RASGRP1: variants seen among roughly 807,000 people sequenced by gnomAD.
RASGRP1 encodes the protein RAS guanyl releasing protein 1.
RASGRP1 carries 37 observed loss-of-function variants against 95.1 expected under a neutral mutation model. The observed-to-expected ratio is 0.39, with a 90% CI of 0.30 to 0.51. The LOEUF is 0.51. Among genes scored for constraint, RASGRP1 ranks in the 20% least tolerant of loss-of-function variants. RASGRP1 has a pLI of 0.80. For synonymous variants in RASGRP1, 325 were observed against 353.4 expected (o/e 0.92, Z 0.90); for missense variants, 711 against 965.4 (o/e 0.74, Z 3.49).
chr15:38,561,779 A>G (rs1013436612), intron 1 of RASGRP1, among the ~76,000 whole-genome samples: 4 of 152,176 alleles, frequency 2.6e-5, no homozygotes, highest in Non-Finnish European at 5.9e-5. Context: ...AACCCTAGGC[A>G]GTAATTCCTG....
intron 15 of RASGRP1, among the ~76,000 whole-genome samples, chr15:38,496,421 C>T (rs2141080195): frequency 6.6e-6 from 1 of 152,236 alleles, no homozygotes; most frequent in East Asian, 1.9e-4. Context: ...TAACAACTGC[C>T]CCTTCAGGGA....
chr15:38,562,068 T>C (rs1317231171), intron 1 of RASGRP1, among the ~76,000 whole-genome samples: 3 of 152,182 alleles, frequency 2.0e-5, no homozygotes, highest in Non-Finnish European at 4.4e-5. Context: ...ATAATCAACC[T>C]GAGATTTGTA....
intron 15 of RASGRP1, among the ~76,000 whole-genome samples, chr15:38,495,242 C>A (rs1890753590): frequency 6.6e-6 from 1 of 152,076 alleles, no homozygotes; most frequent in African/African-American, 2.4e-5. Flanking sequence ...CACAGCTTAA[C>A]CATGAGAAAG....
At chr15:38,492,685 C>T (rs923645034) in intron 16 of RASGRP1, among the ~76,000 whole-genome samples, 2 of 152,098 alleles carry the variant, frequency 1.3e-5, no homozygotes, top group Non-Finnish European at 2.9e-5. Flanking sequence ...AACTACTATG[C>T]CATGGGACAG....
At chr15:38,563,359 T>C (rs998683092) in intron 1 of RASGRP1, among the ~76,000 whole-genome samples, 5 of 152,076 alleles carry the variant, frequency 3.3e-5, no homozygotes, top group Admixed American at 2.6e-4. Flanking sequence ...ACAAATTAAC[T>C]TGAAGGTGTT....
Position 38,528,837 on chromosome 15 carries a change from T to C in RASGRP1, c.221-2433A>G, listed in dbSNP as rs376791038. Among the ~76,000 whole-genome samples the C allele has an allele frequency of 2.6e-5, 4 of 152,284 alleles. No individual in the cohort carries two copies. In the East Asian group the frequency reaches 5.8e-4, roughly 22 times the overall value. Reference sequence around the variant, plus strand: ...TCTTCAGCCTTCGCTACCCAATTAGTATGTCCAGCAGCCTACCTGGCAAAT... The same window carrying C: ...TCTTCAGCCTTCGCTACCCAATTAGCATGTCCAGCAGCCTACCTGGCAAAT... On this transcript the variant is annotated intron_variant, in intron 2 of 16. Transcript: ENST00000310803.
In RASGRP1 at chr15:38,488,213, A is replaced by G. The variant is rs1890428161; in HGVS notation, c.*2341T>C. 1.3e-5 allele frequency: 2 copies of G among 152,076 alleles called. No individual in the cohort carries two copies. Among genetic ancestry groups the G allele is most frequent in the African/African-American group, 2.4e-5 (1 of 41,434 alleles). The allele number at this position is 152,076 out of a possible 1,614,324, so 9.4% of individuals were successfully genotyped here. A position where few individuals can be genotyped will look rare whatever the true frequency, so the allele number is the denominator to read the frequency against. On this transcript the variant is annotated 3_prime_UTR_variant, in exon 17 of 17. Transcript: ENST00000310803. ...ATTTGTTTTTTTCTTGCATTTCTAT[A>G]TTATACATTTTGAGACAGAAATTCA...
At chr15:38,504,581 T>C (rs1237434580) in intron 10 of RASGRP1, 6 of 152,202 alleles carry the variant, frequency 3.9e-5, no homozygotes, top group Admixed American at 1.3e-4. Flanking sequence ...ATAACATGCA[T>C]GGAGCTGTCA....
rs1470814194 is a variant in RASGRP1 at position 38,526,345 on chromosome 15, G to T, written c.280C>A (p.Arg94=). Residue 94 remains arginine, a synonymous_variant, in exon 3 of 17, where the codon CGA becomes AGA. Coordinates refer to ENST00000310803, the MANE Select transcript of RASGRP1 (RefSeq NM_005739.4). ...AGTTCTGCAGAGGAGATGACAATTC[G>T]GTGCATGGTCAGCATGACTTGCAAC... The part of the protein sequence containing the change: ...QLLQVMLTMH[R]IVISSAELLQ... 27 of 1,613,222 alleles carry T rather than the reference G, an allele frequency of 1.7e-5. No homozygotes were observed. Among genetic ancestry groups the T allele is most frequent in the Non-Finnish European group, 2.2e-5 (26 of 1,179,406 alleles).
chr15:38,561,733 G>A (rs1893819687), intron 1 of RASGRP1, among the ~76,000 whole-genome samples: 1 of 152,208 alleles, frequency 6.6e-6, no homozygotes. Context: ...CAGGTCCAGT[G>A]AAACTGAATC....
rs1196693464 is a variant in RASGRP1, at chr15:38,490,808, AT to A, written c.2260-121del. The A allele has an allele frequency of 4.8e-6, 5 of 1,052,354 alleles. No individual in the cohort carries two copies. In the East Asian group the frequency reaches 1.3e-4, roughly 26 times the overall value. 65.2% of individuals were successfully genotyped at this position (1,052,354 alleles called of 1,614,324 possible). On this transcript the variant is annotated intron_variant, in intron 16 of 16. Transcript: ENST00000310803. ...TCACTGTGGCTGAGAATTAACAACCATTTTCAAGATAGTTATTTTGCCCTGA... is the reference window on the plus strand; with the variant it reads ...TCACTGTGGCTGAGAATTAACAACCATTTCAAGATAGTTATTTTGCCCTGA...
chr15:38,551,296 C>T (rs1893329069), intron 2 of RASGRP1, among the ~76,000 whole-genome samples: 1 of 152,154 alleles, frequency 6.6e-6, no homozygotes, highest in African/African-American at 2.4e-5. Context: ...AGTTTAATAT[C>T]GTGATGGAGA....
chr15:38,499,181 A>T, intron 14 of RASGRP1: 2 of 667,586 alleles, frequency 3.0e-6, no homozygotes, highest in South Asian at 3.0e-5. Context: ...CAGTATCCTG[A>T]TATCTTGGAG....
intron 15 of RASGRP1, among the ~76,000 whole-genome samples, chr15:38,497,402 T>TC (rs1890837508): frequency 6.7e-6 from 1 of 150,072 alleles, no homozygotes; most frequent in South Asian, 2.1e-4. Context: ...TTTTTTTTTT[T>TC]CCCACTATCC....
chr15:38,499,747 G>C (rs2141086658), intron 14 of RASGRP1, among the ~76,000 whole-genome samples: 1 of 152,284 alleles, frequency 6.6e-6, no homozygotes, highest in Non-Finnish European at 1.5e-5. Context: ...ACCTTGTAGT[G>C]CCCATAATCC....
At chr15:38,561,708 T>C (rs1456896053) in intron 1 of RASGRP1, among the ~76,000 whole-genome samples, 2 of 152,218 alleles carry the variant, frequency 1.3e-5, no homozygotes, top group African/African-American at 4.8e-5. Context: ...CGCTCGGCTC[T>C]ATTCTGACCT....
intron 2 of RASGRP1, 91 bp downstream of exon 2, chr15:38,559,730 A>G: frequency 7.5e-7 from 1 of 1,328,628 alleles, no homozygotes; most frequent in African/African-American, 1.5e-5. Flanking sequence ...AAGCCAAAAT[A>G]CAATCTAGAT....
intron 2 of RASGRP1, among the ~76,000 whole-genome samples, chr15:38,555,817 C>T (rs997243981): frequency 3.9e-5 from 6 of 152,152 alleles, no homozygotes; most frequent in Admixed American, 2.0e-4. Flanking sequence ...GGAGTTTCTT[C>T]CCACGTCTCA....
Position 38,513,036 on chromosome 15 carries a change from T to C in RASGRP1, c.676-80A>G, listed in dbSNP as rs994083770. On this transcript the variant is annotated intron_variant, in intron 6 of 16. Transcript: ENST00000310803. ...TATTCCAGAAGATTTAAGGGACAAG[T>C]CCAGTCTGCTCAGTTGATGGCTGGG... 2.3e-6 allele frequency: 3 copies of C among 1,330,274 alleles called. No individual in the cohort carries two copies. In the African/African-American group the frequency reaches 4.6e-5, roughly 20 times the overall value. 82.4% of individuals were successfully genotyped at this position (1,330,274 alleles called of 1,614,324 possible).
Sources: allele counts gnomAD v4.1 joint callset (sites outside exome capture counted in the v4.1 genomes callset), GRCh38; gene constraint gnomAD v4.1.1; transcripts MANE v1.5; gene names NCBI Gene and HGNC (gene_info 2026-07-23, HGNC 2026-07-21).